The following DOCK2 variants were observed in gnomAD, a reference collection of about 807,000 sequenced individuals.
DOCK2 encodes dedicator of cytokinesis 2.
DOCK2 carries 87 observed loss-of-function variants against 248.9 expected under a neutral mutation model. That is an observed-to-expected ratio of 0.35 (90% CI 0.29 to 0.42). The LOEUF is 0.42. Ranked by LOEUF, DOCK2 falls within the 10% of genes least tolerant of loss-of-function variation. DOCK2 has a pLI of 1.00. For missense variants in DOCK2, 1,747 were observed against 2,300.2 expected, an observed-to-expected ratio of 0.76 and a Z score of 4.92; for synonymous variants, 805 against 821.6, an observed-to-expected ratio of 0.98 and a Z score of 0.35.
intron 25 of DOCK2, among the ~76,000 whole-genome samples, chr5:169,780,332 T>TGTGTGTGTGTGTGG (rs1233776112): frequency 1.1e-4 from 13 of 113,522 alleles, no homozygotes; most frequent in African/African-American, 3.5e-4. Flanking sequence ...TGTGTGTGTG[T>TGTGTGTGTGTGTGG]GTGTGTGTTG....
chr5:169,792,656 A>G (rs1164554791), intron 25 of DOCK2, among the ~76,000 whole-genome samples: 4 of 152,100 alleles, frequency 2.6e-5, no homozygotes, highest in South Asian at 2.1e-4. Flanking sequence ...GTACAGAGGC[A>G]GCTTCGTCAG....
intron 26 of DOCK2, among the ~76,000 whole-genome samples, chr5:169,826,391 TGCTCTCATCTCTGGTG>T (rs1768860618): frequency 6.6e-6 from 1 of 152,004 alleles, no homozygotes; most frequent in South Asian, 2.1e-4. Context: ...GAGAAAAACA[TGCTCTCATCTCTGGTG>T]GCTCTCATCT....
In DOCK2 at chr5:169,931,772, GC is replaced by G. The variant is rs1029350959; in HGVS notation, c.2800-51294del. 4.1e-4 allele frequency among the ~76,000 whole-genome samples: 62 copies of G among 152,290 alleles called. 1 individual carries two copies. Among genetic ancestry groups the G allele is most frequent in the South Asian group, 4.2e-4 (2 of 4,814 alleles). On this transcript the variant is annotated intron_variant, in intron 27 of 51. Transcript: ENST00000520908. ...TGTGCTTCCAGGAGATGGAAGCACA[GC>G]CAAGTGGCCCAGAGGACAATTCCCA... is the stretch of plus-strand genomic sequence containing the variant.
At chr5:169,824,662 T>TA (rs1368989439) in intron 26 of DOCK2, among the ~76,000 whole-genome samples, 1 of 152,158 alleles carries the variant, frequency 6.6e-6, no homozygotes, top group Non-Finnish European at 1.5e-5. Context: ...CCTAAAACCA[T>TA]AAAAACCCTA....
rs748735052 is a variant in DOCK2 at position 170,047,459 on chromosome 5, G to A, written c.3967-51G>A. On this transcript the variant is annotated intron_variant, in intron 39 of 51. Transcript: ENST00000520908. The stretch of plus-strand genomic sequence containing the variant: ...TCACCAAGGCCTCTTTGAGTTGAAT[G>A]TGCCTTTGATACACATCTGTGTTGC... The A allele has an allele frequency of 1.9e-5, 29 of 1,542,514 alleles. No individual in the cohort carries two copies. In the African/African-American group the frequency reaches 3.8e-4, roughly 20 times the overall value.
intron 22 of DOCK2, among the ~76,000 whole-genome samples, chr5:169,724,029 A>C (rs559198315): frequency 6.6e-6 from 1 of 152,336 alleles, no homozygotes; most frequent in African/African-American, 2.4e-5. Flanking sequence ...CACACAGCTA[A>C]GAAATATAGC....
intron 30 of DOCK2, 27 bp downstream of exon 30, chr5:169,996,191 T>C: frequency 6.2e-7 from 1 of 1,610,396 alleles, no homozygotes; most frequent in Non-Finnish European, 8.5e-7. Flanking sequence ...AGAGCTACCC[T>C]TGGAGCTGCC....
intron 26 of DOCK2, among the ~76,000 whole-genome samples, chr5:169,805,893 C>T (rs1313656711): frequency 2.0e-5 from 3 of 152,212 alleles, no homozygotes; most frequent in Non-Finnish European, 4.4e-5. Flanking sequence ...ATAATGAATT[C>T]TGACTGTGGG....
intron 24 of DOCK2, among the ~76,000 whole-genome samples, chr5:169,760,314 A>G (rs1764418762): frequency 1.3e-5 from 2 of 152,236 alleles, no homozygotes; most frequent in Admixed American, 1.3e-4. Context: ...TAACAGACTT[A>G]AAAGACTTTT....
At chr5:169,870,169 C>T (rs576516687) in intron 27 of DOCK2, among the ~76,000 whole-genome samples, 9 of 152,112 alleles carry the variant, frequency 5.9e-5, no homozygotes, top group African/African-American at 9.7e-5. Context: ...TGTCTGAACA[C>T]GGAGCCACGT....
chr5:169,717,653 G>A (rs1358035434), intron 21 of DOCK2, among the ~76,000 whole-genome samples, 169 bp downstream of exon 21: 1 of 152,218 alleles, frequency 6.6e-6, no homozygotes, highest in African/African-American at 2.4e-5. Context: ...CATTAAAAAT[G>A]TGGAATACCC....
chr5:169,776,226 G>T (rs1216297860), intron 25 of DOCK2, among the ~76,000 whole-genome samples: 1 of 150,614 alleles, frequency 6.6e-6, no homozygotes, highest in East Asian at 1.9e-4. Context: ...GCAGTGGCAT[G>T]ATCATAGCTC....
intron 14 of DOCK2, among the ~76,000 whole-genome samples, chr5:169,706,247 T>C (rs1310013097): frequency 6.6e-6 from 1 of 152,244 alleles, no homozygotes; most frequent in African/African-American, 2.4e-5. Context: ...ACCAGAGATA[T>C]ATGTGTAGTT....
chr5:169,896,307 T>C (rs1240345488), intron 27 of DOCK2, among the ~76,000 whole-genome samples: 1 of 152,100 alleles, frequency 6.6e-6, no homozygotes, highest in Non-Finnish European at 1.5e-5. Flanking sequence ...TTAAATCCCA[T>C]GTGGAGTGGC....
chr5:170,074,850 C>T (rs1179752987), intron 46 of DOCK2, among the ~76,000 whole-genome samples: 1 of 152,198 alleles, frequency 6.6e-6, no homozygotes, highest in Non-Finnish European at 1.5e-5. Flanking sequence ...CTGTGTTTGG[C>T]CCCTCAGCTC....
At chr5:169,834,158 C>T (rs584292) in intron 26 of DOCK2, among the ~76,000 whole-genome samples, 4 of 136,144 alleles carry the variant, frequency 2.9e-5, no homozygotes, top group Non-Finnish European at 6.4e-5. Flanking sequence ...GGTCACCCTG[C>T]AGTAAGCTCA....
rs757041374 is a variant in DOCK2 at position 170,067,723 on chromosome 5, G to T, written c.4644+37G>T. ...TGTTCTCCAAGTCTAGGGGAGCTCGGTGAGCAGAGCAGTGGTGGGAGGACC... is the reference window on the plus strand; with the variant it reads ...TGTTCTCCAAGTCTAGGGGAGCTCGTTGAGCAGAGCAGTGGTGGGAGGACC... On this transcript the variant is annotated intron_variant, in intron 45 of 51. Transcript: ENST00000520908. 14 of 1,609,632 alleles carry T rather than the reference G, an allele frequency of 8.7e-6. No homozygotes were observed. The Admixed American group carries it at 2.3e-4, about 27-fold the overall frequency.
At chr5:170,023,035 G>C (rs954246360) in intron 33 of DOCK2, among the ~76,000 whole-genome samples, 1 of 152,176 alleles carries the variant, frequency 6.6e-6, no homozygotes, top group Non-Finnish European at 1.5e-5. Context: ...CCAATTCTTT[G>C]TGGAAAGAGG....
Position 170,019,140 on chromosome 5 carries a change from A to G in DOCK2, c.3381+32A>G, listed in dbSNP as rs758473089. On this transcript the variant is annotated intron_variant, in intron 33 of 51. Coordinates refer to ENST00000520908, the MANE Select transcript of DOCK2 (RefSeq NM_004946.3). ...AATGAGGCCGGAAACTCATGCCAGC[A>G]TGCCTAATCCCCAGCCCATTTCCCC... The G allele has an allele frequency of 5.0e-6, 8 of 1,613,636 alleles. No homozygotes were observed. In the Admixed American group the frequency reaches 5.0e-5, roughly 10 times the overall value.
Sources: gnomAD v4.1 joint callset for allele counts (sites outside exome capture counted in the v4.1 genomes callset) on GRCh38, gnomAD v4.1.1 for gene constraint, MANE v1.5 for transcripts, NCBI Gene and HGNC (gene_info 2026-07-23, HGNC 2026-07-21) for gene names.